CD24: variants seen among roughly 807,000 people sequenced by gnomAD.
CD24 encodes the protein signal transducer CD24.
CD24 carries 2 observed loss-of-function variants against 3.6 expected under a neutral mutation model. The ratio of observed to expected loss-of-function variants is 0.56; its 90% CI spans 0.23 to 1.77. CD24 has a LOEUF of 1.77. Among genes scored for constraint, CD24 ranks in the 40% most tolerant of loss-of-function variants. The pLI, the probability that CD24 is intolerant of heterozygous loss-of-function variation, is 0.18. For missense variants in CD24, 62 were observed against 93.6 expected (o/e 0.66, Z 1.39); for synonymous variants, 33 against 44.9 (o/e 0.74, Z 1.06).
chr6:106,971,878 G>T, intron 1 of CD24, 44 bp from the exon 2 acceptor site: 1 of 1,304,554 alleles, frequency 7.7e-7, no homozygotes, highest in Non-Finnish European at 1.1e-6. Context: ...CCACATCACA[G>T]CTACCTCCAT....
In CD24 at chr6:106,970,615, C is replaced by T. The variant is rs1408209879; in HGVS notation, c.*1046G>A. The T allele has an allele frequency of 2.0e-5, 3 of 152,068 alleles. No homozygotes were observed. The highest frequency in any genetic ancestry group is 2.9e-5 in the Non-Finnish European group (2 of 68,016). The allele number at this position is 152,068 out of a possible 1,614,324, so 9.4% of individuals were successfully genotyped here. On this transcript the variant is annotated 3_prime_UTR_variant, in exon 2 of 2. Coordinates refer to ENST00000606017, the MANE Select transcript of CD24 (RefSeq NM_001359084.1). ...TCACCTGAGGTCAGGAGTTCGAAACCAGCCTGGGCAACATGGTGAAACCCT... is the reference window on the plus strand; with the variant it reads ...TCACCTGAGGTCAGGAGTTCGAAACTAGCCTGGGCAACATGGTGAAACCCT...
intron 1 of CD24, chr6:106,973,781 G>C (rs1368266276): frequency 2.5e-6 from 1 of 398,270 alleles, no homozygotes; most frequent in South Asian, 1.3e-4. Flanking sequence ...CCGGGTACCC[G>C]CACCCGGGGC....
upstream of CD24, chr6:106,975,320 G>A (rs2114902886): frequency 6.6e-6 from 1 of 152,184 alleles, no homozygotes; most frequent in East Asian, 1.9e-4. Context: ...CCGCCGCAGA[G>A]GAAAGGGGAA....
upstream of CD24, among the ~76,000 whole-genome samples, chr6:106,974,907 G>A (rs1296644101): frequency 6.9e-6 from 1 of 145,106 alleles, no homozygotes; most frequent in Non-Finnish European, 1.5e-5. Context: ...CCGCCGCTCC[G>A]GCCCTCGCGG....
intron 1 of CD24, chr6:106,974,051 CG>C: frequency 2.5e-6 from 1 of 397,526 alleles, no homozygotes; most frequent in Non-Finnish European, 4.4e-6. Flanking sequence ...GCCAGATAGC[CG>C]TAGCTTCTCC....
rs1473252844 is a variant in CD24, at chr6:106,970,847, G to A, written c.*814C>T. The A allele has an allele frequency of 1.3e-5, 2 of 152,100 alleles. No individual in the cohort carries two copies. Among genetic ancestry groups the A allele is most frequent in the African/African-American group, 4.8e-5 (2 of 41,412 alleles). 9.4% of individuals were successfully genotyped at this position (152,100 alleles called of 1,614,324 possible). The stretch of plus-strand genomic sequence containing the variant: ...AATAAAAAGCATTTTGAAATTAGTC[G>A]TGGTCAATGCAATTCTACTCTTTGG... On this transcript the variant is annotated 3_prime_UTR_variant, in exon 2 of 2. Coordinates refer to ENST00000606017, the MANE Select transcript of CD24 (RefSeq NM_001359084.1).
chr6:106,974,602 C>G lies in CD24; in HGVS notation c.45G>C (p.Leu15=), dbSNP rs1773059259. ...CCTGCGTGGGTAGGAGCAGTGCCAG[C>G]AGCAGCAGCCCCAGCCCGAGCCTGG... ...MVARLGLGLL[L]LALLLPTQIY... is the part of the protein sequence containing the mutation. Residue 15 remains leucine, a synonymous_variant, in exon 1 of 2, where the codon CTG becomes CTC. Coordinates refer to ENST00000606017, the MANE Select transcript of CD24 (RefSeq NM_001359084.1). 1 of 1,457,758 alleles carries G rather than the reference C, an allele frequency of 6.9e-7. No individual in the cohort carries two copies. Among genetic ancestry groups the G allele is most frequent in the African/African-American group, 1.5e-5 (1 of 66,962 alleles). 90.3% of individuals were successfully genotyped at this position (1,457,758 alleles called of 1,614,324 possible). A position where few individuals can be genotyped will look rare whatever the true frequency, so the allele number is the denominator to read the frequency against.
upstream of CD24, chr6:106,975,319 A>AGGAAAGGGC (rs1262105254): frequency 1.3e-5 from 2 of 151,854 alleles, no homozygotes; most frequent in Non-Finnish European, 2.9e-5. Context: ...CCCGCCGCAG[A>AGGAAAGGGC]GGAAAGGGGA....
upstream of CD24, chr6:106,975,571 C>T (rs1219652740): frequency 6.6e-6 from 1 of 152,350 alleles, no homozygotes; most frequent in African/African-American, 2.4e-5. Flanking sequence ...TCCGCATCTT[C>T]CCAGGAGCTG....
chr6:106,973,466 C>A, intron 1 of CD24: 1 of 395,286 alleles, frequency 2.5e-6, no homozygotes, highest in East Asian at 3.6e-5. Flanking sequence ...GGTACGGTTA[C>A]CCCGCCAGCG....
Position 106,970,558 on chromosome 6 carries a change from T to C in CD24, c.*1103A>G, listed in dbSNP as rs1772946255. Reference sequence around the variant, plus strand: ...TGGGCGCGGGGGCTCAAGCCTGTAATCCCAGCACTTTGGGAGGCCGAGGCG... The same window carrying C: ...TGGGCGCGGGGGCTCAAGCCTGTAACCCCAGCACTTTGGGAGGCCGAGGCG... On this transcript the variant is annotated 3_prime_UTR_variant, in exon 2 of 2. Transcript: ENST00000606017. 1 of 152,276 alleles carries C rather than the reference T, an allele frequency of 6.6e-6. No individual in the cohort carries two copies. The highest frequency in any genetic ancestry group is 6.5e-5 in the Admixed American group (1 of 15,276). The allele number at this position is 152,276 out of a possible 1,614,324, so 9.4% of individuals were successfully genotyped here.
At chr6:106,974,115 C>G (rs1348109794) in intron 1 of CD24, 3 of 394,708 alleles carry the variant, frequency 7.6e-6, no homozygotes, top group Non-Finnish European at 4.5e-6. Flanking sequence ...CCGCCCTCCC[C>G]GAAAGGGACC....
At chr6:106,972,364 A>T (rs959231332) in intron 1 of CD24, among the ~76,000 whole-genome samples, 1,610 of 152,342 alleles carry the variant, frequency 0.011, 28 homozygotes, top group African/African-American at 0.035. Context: ...TTAAGGGGGA[A>T]ATGCAGTCTT....
At chr6:106,976,662 G>A (rs997953713), upstream of CD24, among the ~76,000 whole-genome samples, 13 of 152,092 alleles carry the variant, frequency 8.5e-5, no homozygotes, top group African/African-American at 3.1e-4. Context: ...TGACCAACAT[G>A]GTGAAACCTA....
chr6:106,974,893 G>A (rs1220986321), upstream of CD24: 2,464 of 153,606 alleles, frequency 0.016, 78 homozygotes, highest in African/African-American at 0.057. Context: ...CGCCGCCACT[G>A]CCACCGCCGC....
intron 1 of CD24, 25 bp downstream of exon 1, chr6:106,974,553 G>T: frequency 7.2e-7 from 1 of 1,393,322 alleles, no homozygotes; most frequent in Non-Finnish European, 9.4e-7. Context: ...CGGCCCTCGA[G>T]CCCCGCCGGG....
chr6:106,976,560 T>G (rs897022859), upstream of CD24, among the ~76,000 whole-genome samples: 1 of 152,102 alleles, frequency 6.6e-6, no homozygotes, highest in Non-Finnish European at 1.5e-5. Flanking sequence ...TAGAAATACT[T>G]TGGCCGGGCG....
chr6:106,973,973 G>C (rs970965946), intron 1 of CD24: 1 of 398,304 alleles, frequency 2.5e-6, no homozygotes, highest in Non-Finnish European at 4.4e-6. Flanking sequence ...TTGCCTCGCA[G>C]AGAGCGCAGC....
chr6:106,972,619 G>T (rs903858808), intron 1 of CD24, among the ~76,000 whole-genome samples: 1 of 152,148 alleles, frequency 6.6e-6, no homozygotes, highest in Non-Finnish European at 1.5e-5. Flanking sequence ...GTGTCCCAGC[G>T]TCTGAGTGGC....
Sources: gnomAD v4.1 joint callset for allele counts (sites outside exome capture counted in the v4.1 genomes callset) on GRCh38, gnomAD v4.1.1 for gene constraint, MANE v1.5 for transcripts, NCBI Gene and HGNC (gene_info 2026-07-23, HGNC 2026-07-21) for gene names.